The following CPA6 variants were observed in gnomAD, a reference collection of about 807,000 sequenced individuals.
CPA6 encodes the protein carboxypeptidase B.
In CPA6, 58 loss-of-function variants were observed where a neutral mutation model predicts 63.3. The observed-to-expected ratio is 0.92, with a 90% confidence interval of 0.74 to 1.14. CPA6 has a LOEUF of 1.14. Ranked by LOEUF, CPA6 falls within the 50% of genes most tolerant of loss-of-function variation. The pLI is 0.00. For missense variants in CPA6, 565 were observed against 526.6 expected (o/e 1.07, Z -0.71); for synonymous variants, 185 against 179.0 (o/e 1.03, Z -0.27).
intron 1 of CPA6, among the ~76,000 whole-genome samples, chr8:67,704,403 T>G (rs142668283): frequency 6.6e-6 from 1 of 152,176 alleles, no homozygotes; most frequent in African/African-American, 2.4e-5. Context: ...AATGGAATTA[T>G]AAGAAAAGAG....
chr8:67,430,497 A>T (rs2128951727), intron 9 of CPA6, among the ~76,000 whole-genome samples: 1 of 152,230 alleles, frequency 6.6e-6, no homozygotes, highest in African/African-American at 2.4e-5. Flanking sequence ...CAACTTAATG[A>T]CTAAAAAACA....
chr8:67,617,506 C>T (rs1289135992), intron 2 of CPA6, among the ~76,000 whole-genome samples: 1 of 152,134 alleles, frequency 6.6e-6, no homozygotes, highest in Non-Finnish European at 1.5e-5. Flanking sequence ...ACTTCCTACC[C>T]CAAACATACT....
intron 8 of CPA6, among the ~76,000 whole-genome samples, chr8:67,439,313 C>G (rs1349675236): frequency 6.6e-6 from 1 of 150,610 alleles, no homozygotes; most frequent in African/African-American, 2.4e-5. Context: ...AGAGGCTGGG[C>G]ATGGTGGCTC....
chr8:67,448,656 G>GAAAAAAAAAAAAAAAAAAAAAAAAA (rs1810485855), intron 8 of CPA6, among the ~76,000 whole-genome samples: 2 of 68,792 alleles, frequency 2.9e-5, no homozygotes, highest in African/African-American at 8.8e-5. Context: ...AAAAAAAAAG[G>GAAAAAAAAAAAAAAAAAAAAAAAAA]AAAGAACGAA....
intron 2 of CPA6, among the ~76,000 whole-genome samples, chr8:67,530,878 A>G (rs1354115883): frequency 6.6e-6 from 1 of 152,222 alleles, no homozygotes. Context: ...AAACCTCTCC[A>G]GATAGAGAAA....
chr8:67,733,846 CTTTTTTTTTT>C (rs10696053), intron 1 of CPA6, among the ~76,000 whole-genome samples: 3 of 94,932 alleles, frequency 3.2e-5, no homozygotes, highest in Non-Finnish European at 3.9e-5. Flanking sequence ...GCTGCATCGT[CTTTTTTTTTT>C]TTTTTTTTTT....
At chr8:67,717,782 C>T (rs1354371694) in intron 1 of CPA6, among the ~76,000 whole-genome samples, 2 of 152,006 alleles carry the variant, frequency 1.3e-5, no homozygotes, top group African/African-American at 2.4e-5. Context: ...GGTGCAATTG[C>T]TAGTGAGATT....
chr8:67,679,089 T>G (rs1816539237), intron 1 of CPA6, among the ~76,000 whole-genome samples: 1 of 152,200 alleles, frequency 6.6e-6, no homozygotes, highest in Non-Finnish European at 1.5e-5. Context: ...CAAAGAAACC[T>G]CTTGGTACTG....
intron 2 of CPA6, among the ~76,000 whole-genome samples, chr8:67,604,470 C>T (rs1018204848): frequency 1.6e-4 from 24 of 152,126 alleles, no homozygotes; most frequent in African/African-American, 4.8e-4. Flanking sequence ...AATTACATTG[C>T]GTCCCTTACC....
intron 1 of CPA6, among the ~76,000 whole-genome samples, chr8:67,681,528 G>C (rs935172765): frequency 2.0e-5 from 3 of 151,980 alleles, no homozygotes; most frequent in African/African-American, 7.2e-5. Context: ...CTTTAATGTT[G>C]TCTAGAAGAC....
chr8:67,682,141 C>T (rs1374735681), intron 1 of CPA6, among the ~76,000 whole-genome samples: 4 of 151,258 alleles, frequency 2.6e-5, no homozygotes, highest in African/African-American at 4.9e-5. Context: ...TCTTGTACTC[C>T]AGGTTTATTG....
intron 1 of CPA6, among the ~76,000 whole-genome samples, chr8:67,691,870 C>G (rs1161907946): frequency 6.6e-6 from 1 of 152,032 alleles, no homozygotes; most frequent in Non-Finnish European, 1.5e-5. Context: ...TGTTTGAGAC[C>G]AAAACATGAA....
intron 8 of CPA6, among the ~76,000 whole-genome samples, chr8:67,468,409 C>A (rs966588650): frequency 4.0e-5 from 6 of 151,416 alleles, no homozygotes; most frequent in Admixed American, 6.6e-5. Context: ...ATGGAGAAAC[C>A]CTGTCTCTAC....
At chr8:67,551,544 C>T (rs1201770036) in intron 2 of CPA6, among the ~76,000 whole-genome samples, 1 of 152,122 alleles carries the variant, frequency 6.6e-6, no homozygotes, top group Non-Finnish European at 1.5e-5. Context: ...ATAGTTTTTC[C>T]TAGTTCTGTG....
intron 1 of CPA6, among the ~76,000 whole-genome samples, chr8:67,625,792 C>G (rs1322495405): frequency 6.6e-6 from 1 of 152,184 alleles, no homozygotes; most frequent in Non-Finnish European, 1.5e-5. Flanking sequence ...TACAACTTGT[C>G]TCTCCAACCC....
At chr8:67,622,514 T>C (rs559239849) in intron 2 of CPA6, among the ~76,000 whole-genome samples, 4 of 152,278 alleles carry the variant, frequency 2.6e-5, no homozygotes, top group East Asian at 1.9e-4. Flanking sequence ...CCCTGGGCCC[T>C]TGTAATGAGA....
chr8:67,665,743 T>G (rs1425177750), intron 1 of CPA6, among the ~76,000 whole-genome samples: 1 of 152,180 alleles, frequency 6.6e-6, no homozygotes, highest in Non-Finnish European at 1.5e-5. Context: ...ATGCAGGCAA[T>G]AAAGTTTGAG....
chr8:67,607,533 C>CTTTTTA, intron 2 of CPA6, among the ~76,000 whole-genome samples: 1 of 151,934 alleles, frequency 6.6e-6, no homozygotes, highest in South Asian at 2.1e-4. Flanking sequence ...CCCCAGATTC[C>CTTTTTA]TTTTTATTTC....
At chr8:67,715,832 G>A (rs1410105483) in intron 1 of CPA6, among the ~76,000 whole-genome samples, 1 of 152,094 alleles carries the variant, frequency 6.6e-6, no homozygotes, top group Non-Finnish European at 1.5e-5. Context: ...GACTTTCTAA[G>A]GCACTTGTAA....
Sources: allele counts gnomAD v4.1 joint callset (sites outside exome capture counted in the v4.1 genomes callset), GRCh38; gene constraint gnomAD v4.1.1; transcripts MANE v1.5; gene names NCBI Gene and HGNC (gene_info 2026-07-23, HGNC 2026-07-21).